Variants in PHIP observed in about 807,000 individuals in gnomAD.
PHIP encodes PH-interacting protein.
Under a neutral mutation model 236.8 loss-of-function variants are expected in PHIP, and 54 were observed. The ratio of observed to expected loss-of-function variants is 0.23; its 90% CI spans 0.18 to 0.29. The LOEUF is 0.29. Ranked by LOEUF, PHIP falls within the 10% of genes least tolerant of loss-of-function variation. PHIP has a pLI of 1.00. For synonymous variants in PHIP, 756 were observed against 718.9 expected (o/e 1.05, Z -0.83); for missense variants, 1,370 against 2,190.8 (o/e 0.63, Z 7.48).
intron 35 of PHIP, 71 bp from the exon 36 acceptor site, chr6:78,947,846 G>T: frequency 9.4e-7 from 1 of 1,058,660 alleles, no homozygotes; most frequent in Non-Finnish European, 1.4e-6. Context: ...GCAGGGATTC[G>T]CACAGGATTT....
chr6:78,998,816 T>C (rs79069857), intron 17 of PHIP, among the ~76,000 whole-genome samples: 1 of 152,140 alleles, frequency 6.6e-6, no homozygotes, highest in Admixed American at 6.5e-5. Context: ...TTAAAAAAAA[T>C]GTTTACTGCC....
intron 4 of PHIP, among the ~76,000 whole-genome samples, chr6:79,076,694 A>G (rs1014947399): frequency 1.3e-5 from 2 of 151,950 alleles, no homozygotes; most frequent in Non-Finnish European, 2.9e-5. Context: ...AAAAATCAAA[A>G]CTCTTCAGTG....
In PHIP at chr6:78,982,940, T is replaced by C. The variant is rs373218309; in HGVS notation, c.2715A>G (p.Glu905=). The change falls in exon 23 of 40, where the codon GAA becomes GAG. Residue 905 remains glutamate (E), a synonymous_variant. Coordinates refer to ENST00000275034, the MANE Select transcript of PHIP (RefSeq NM_017934.7). ...TCTTTGGTGATATTGGTCCATCTTT[T>C]TCTTCATTTACTTTTTTCTTTTCCT... ...IKKEKKKVNE[E]KDGPISPKKK... 3.8e-6 allele frequency: 6 copies of C among 1,599,418 alleles called. No homozygotes were observed. In the African/African-American group the frequency reaches 6.8e-5, roughly 18 times the overall value.
At chr6:78,993,287 T>C (rs1769391076) in intron 19 of PHIP, among the ~76,000 whole-genome samples, 2 of 152,208 alleles carry the variant, frequency 1.3e-5, no homozygotes, top group Non-Finnish European at 2.9e-5. Flanking sequence ...CAAGTGCTGA[T>C]GAAGTAGCTG....
chr6:78,954,739 C>A, intron 35 of PHIP, 75 bp downstream of exon 35: 1 of 881,648 alleles, frequency 1.1e-6, no homozygotes. Context: ...TAAAAAGTAA[C>A]TAAAATAGCC....
In PHIP at chr6:79,032,140, T is replaced by C. The variant is rs559835219; in HGVS notation, c.601-5976A>G. On this transcript the variant is annotated intron_variant, in intron 7 of 39. Coordinates refer to ENST00000275034, the MANE Select transcript of PHIP (RefSeq NM_017934.7). ...ATACATTAACTTAAAAATACTTTAT[T>C]GCTAAAAAATGCTAATTATCTGAAA... Among the ~76,000 whole-genome samples, 9 of 152,360 alleles carry C rather than the reference T, an allele frequency of 5.9e-5. No homozygotes were observed. The East Asian group carries it at 1.7e-3, about 29-fold the overall frequency.
At chr6:79,011,287 C>A (rs927217003) in intron 15 of PHIP, among the ~76,000 whole-genome samples, 1 of 151,684 alleles carries the variant, frequency 6.6e-6, no homozygotes, top group Middle Eastern at 3.2e-3. Context: ...TCAGTTGATT[C>A]GTAAAGAAAT....
intron 9 of PHIP, among the ~76,000 whole-genome samples, chr6:79,022,485 A>C (rs1407339444): frequency 6.6e-6 from 1 of 152,164 alleles, no homozygotes; most frequent in Non-Finnish European, 1.5e-5. Flanking sequence ...GCTGTGCCCC[A>C]GGTTTTTCCC....
intron 4 of PHIP, among the ~76,000 whole-genome samples, chr6:79,068,972 T>TA (rs964660656): frequency 2.6e-5 from 4 of 151,932 alleles, no homozygotes; most frequent in East Asian, 1.9e-4. Flanking sequence ...TAATTGGTTC[T>TA]AAAAAAGTCA....
intron 38 of PHIP, 173 bp from the exon 39 acceptor site, chr6:78,945,670 TTAA>T (rs1773773767): frequency 1.6e-6 from 1 of 629,576 alleles, no homozygotes; most frequent in African/African-American, 1.9e-5. Flanking sequence ...CTAGAAACTC[TTAA>T]TAGTTTCAGC....
chr6:79,001,089 C>T (rs9361477), intron 17 of PHIP, among the ~76,000 whole-genome samples: 50,302 of 151,822 alleles, frequency 0.33, 9,843 homozygotes, highest in East Asian at 0.69. Context: ...AAGCTTTTGT[C>T]GATTGAAGTC....
At chr6:79,030,079 G>A (rs1416882763) in intron 7 of PHIP, among the ~76,000 whole-genome samples, 3 of 152,054 alleles carry the variant, frequency 2.0e-5, no homozygotes, top group South Asian at 2.1e-4. Context: ...AATGACATAA[G>A]ATATACCTCT....
In PHIP at chr6:78,936,406, A is replaced by G. The variant is rs114208186; in HGVS notation, c.*4287T>C. The G allele has an allele frequency of 6.6e-6, 1 of 151,812 alleles. No homozygotes were observed. Among genetic ancestry groups the G allele is most frequent in the African/African-American group, 2.4e-5 (1 of 41,390 alleles). The allele number at this position is 151,812 out of a possible 1,614,324, so 9.4% of individuals were successfully genotyped here. ...AGTTTTAATATGGTCCAAAAATGTA[A>G]CTTTGTATTGTCTCATGTTATAGTC... is the stretch of plus-strand genomic sequence containing the variant. On this transcript the variant is annotated 3_prime_UTR_variant, in exon 40 of 40. Transcript: ENST00000275034.
intron 39 of PHIP, among the ~76,000 whole-genome samples, chr6:78,944,955 A>G (rs1582079327): frequency 7.1e-6 from 1 of 140,976 alleles, no homozygotes; most frequent in Non-Finnish European, 1.6e-5. Context: ...ATTATTTAGT[A>G]AAAGTCAGTC....
intron 7 of PHIP, among the ~76,000 whole-genome samples, chr6:79,035,177 A>C (rs1771868615): frequency 6.6e-6 from 1 of 152,068 alleles, no homozygotes; most frequent in South Asian, 2.1e-4. Context: ...AACACCTACT[A>C]ATCTCAGAAT....
chr6:78,995,860 T>C (rs1351193311), intron 19 of PHIP, among the ~76,000 whole-genome samples: 1 of 152,152 alleles, frequency 6.6e-6, no homozygotes, highest in Non-Finnish European at 1.5e-5. Context: ...GACTACCCAC[T>C]GGAGAGATTC....
intron 6 of PHIP, among the ~76,000 whole-genome samples, chr6:79,050,650 C>G (rs1379899375): frequency 6.6e-6 from 1 of 152,020 alleles, no homozygotes; most frequent in African/African-American, 2.4e-5. Context: ...CAATCTACCT[C>G]AAGGAATTCA....
chr6:78,952,101 C>G (rs951418724), intron 35 of PHIP, among the ~76,000 whole-genome samples: 1 of 152,112 alleles, frequency 6.6e-6, no homozygotes, highest in Non-Finnish European at 1.5e-5. Flanking sequence ...GGAATCATAG[C>G]TTCTCAAATG....
rs201059253 is a variant in PHIP, at chr6:79,025,584, T to C, written c.858A>G (p.Leu286=). ...SPLCSGSKRY[L]SSTGADGTIC... ...TAGTGCCATCTGCCCCAGTAGAAGA[T>C]AGATATCTCTTTGAGCCACTGCACA... Residue 286 remains leucine (L), a synonymous_variant, in exon 9 of 40, where the codon CTA becomes CTG. Transcript: ENST00000275034. The C allele has an allele frequency of 4.3e-5, 70 of 1,611,750 alleles. 1 individual carries two copies. The highest frequency in any genetic ancestry group is 7.7e-5 in the South Asian group (7 of 91,028).
Sources: gnomAD v4.1 joint callset for allele counts (sites outside exome capture counted in the v4.1 genomes callset) on GRCh38, gnomAD v4.1.1 for gene constraint, MANE v1.5 for transcripts, NCBI Gene and HGNC (gene_info 2026-07-23, HGNC 2026-07-21) for gene names.